Variants in MTARC1 observed in about 807,000 individuals in gnomAD.
The protein encoded by MTARC1 is mitochondrial amidoxime reducing component 1, also known as mitochondrial amidoxime-reducing component 1.
MTARC1 carries 24 observed loss-of-function variants against 33.6 expected under a neutral mutation model. The observed-to-expected ratio is 0.72, with a 90% confidence interval of 0.52 to 1.01. The LOEUF is 1.01. Among genes scored for constraint, MTARC1 ranks in the 50% least tolerant of loss-of-function variants. The probability of loss-of-function intolerance (pLI) is 0.00; values close to 1 mark genes in which losing one functional copy is unlikely to be tolerated. For missense variants in MTARC1, 417 were observed against 445.7 expected, an observed-to-expected ratio of 0.94 and a Z score of 0.58; for synonymous variants, 187 against 189.5, an observed-to-expected ratio of 0.99 and a Z score of 0.11.
At chr1:220,808,749 A>C (rs1316752235) in intron 6 of MTARC1, 3 of 455,522 alleles carry the variant, frequency 6.6e-6, no homozygotes, top group African/African-American at 6.0e-5. Context: ...AAAGAAATAC[A>C]GAGGCATAGG....
At chr1:220,806,965 C>T (rs750387912) in intron 6 of MTARC1, among the ~76,000 whole-genome samples, 3 of 152,202 alleles carry the variant, frequency 2.0e-5, no homozygotes, top group Non-Finnish European at 2.9e-5. Context: ...GCTCCAACAG[C>T]GTTGGGTGTG....
chr1:220,792,463 T>C (rs1349534354), intron 2 of MTARC1, among the ~76,000 whole-genome samples: 1 of 152,124 alleles, frequency 6.6e-6, no homozygotes, highest in Non-Finnish European at 1.5e-5. Flanking sequence ...CATAAAAAAA[T>C]AGCATCACCT....
chr1:220,818,082 A>G lies in MTARC1; in HGVS notation c.*4664A>G, dbSNP rs1434306184. The G allele has an allele frequency of 6.6e-6, 1 of 152,192 alleles. No individual in the cohort carries two copies. The highest frequency in any genetic ancestry group is 1.5e-5 in the Non-Finnish European group (1 of 68,030). The allele number at this position is 152,192 out of a possible 1,614,324, so 9.4% of individuals were successfully genotyped here. A position where few individuals can be genotyped will look rare whatever the true frequency, so the allele number is the denominator to read the frequency against. On this transcript the variant is annotated 3_prime_UTR_variant, in exon 7 of 7. Transcript: ENST00000366910. ...GGATGAATGAGTTATGATGATATCT[A>G]AAGTTACCCAATTTCAAGCAAGAGG...
chr1:220,810,536 G>A (rs1030987950), intron 6 of MTARC1, among the ~76,000 whole-genome samples: 1 of 149,944 alleles, frequency 6.7e-6, no homozygotes, highest in African/African-American at 2.5e-5. Flanking sequence ...CCTGTGAGCC[G>A]GTGACCACAC....
chr1:220,793,710 T>A (rs1672509517), intron 2 of MTARC1: 1 of 152,232 alleles, frequency 6.6e-6, no homozygotes, highest in Non-Finnish European at 1.5e-5. Flanking sequence ...ACTTTGGCTA[T>A]GGATTATTCA....
Position 220,813,638 on chromosome 1 carries a change from A to T in MTARC1, c.*220A>T. 1 of 514,200 alleles carries T rather than the reference A, an allele frequency of 1.9e-6. No homozygotes were observed. The highest frequency in any genetic ancestry group is 3.4e-6 in the Non-Finnish European group (1 of 291,898). 31.9% of individuals were successfully genotyped at this position (514,200 alleles called of 1,614,324 possible). A position where few individuals can be genotyped will look rare whatever the true frequency, so the allele number is the denominator to read the frequency against. ...TCAATAACTTAGTAGGACTTCAGTA[A>T]GTCACTTAAATGACAAGACAGGATT... On this transcript the variant is annotated 3_prime_UTR_variant, in exon 7 of 7. Transcript: ENST00000366910.
intron 4 of MTARC1, among the ~76,000 whole-genome samples, chr1:220,802,893 C>T (rs1672858754): frequency 6.6e-6 from 1 of 152,214 alleles, no homozygotes; most frequent in South Asian, 2.1e-4. Context: ...ATCTCTCCCG[C>T]TCTAAAAGTT....
At chr1:220,810,627 C>G (rs1673101734) in intron 6 of MTARC1, among the ~76,000 whole-genome samples, 1 of 149,784 alleles carries the variant, frequency 6.7e-6, no homozygotes, top group Non-Finnish European at 1.5e-5. Context: ...CCGCTCTTTA[C>G]GGTCCTCTGC....
intron 1 of MTARC1, among the ~76,000 whole-genome samples, chr1:220,789,753 T>C (rs1672365335): frequency 6.6e-6 from 1 of 152,262 alleles, no homozygotes; most frequent in African/African-American, 2.4e-5. Flanking sequence ...GAAGTTCTGA[T>C]ATGTGCTACA....
At chr1:220,790,445 A>C (rs535619870) in intron 1 of MTARC1, among the ~76,000 whole-genome samples, 1 of 152,246 alleles carries the variant, frequency 6.6e-6, no homozygotes, top group South Asian at 2.1e-4. Flanking sequence ...TGCCATTACC[A>C]GGAAGAATAT....
rs1673328734 is a variant in MTARC1 at position 220,818,782 on chromosome 1, CAGAG to C, written c.*5368_*5371del. On this transcript the variant is annotated 3_prime_UTR_variant, in exon 7 of 7. Transcript: ENST00000366910. ...AACATTTTTACACCTAACAAAGTCTCAGAGAGATTGAATTTACTGGGTTGAAGGG... is the reference window on the plus strand; with the variant it reads ...AACATTTTTACACCTAACAAAGTCTCAGATTGAATTTACTGGGTTGAAGGG... The C allele has an allele frequency of 6.6e-6, 1 of 152,190 alleles. No individual in the cohort carries two copies. Among genetic ancestry groups the C allele is most frequent in the Non-Finnish European group, 1.5e-5 (1 of 68,034 alleles). The allele number at this position is 152,190 out of a possible 1,614,324, so 9.4% of individuals were successfully genotyped here.
At chr1:220,788,681 C>G (rs150554152) in intron 1 of MTARC1, among the ~76,000 whole-genome samples, 2 of 151,480 alleles carry the variant, frequency 1.3e-5, no homozygotes, top group Non-Finnish European at 2.9e-5. Context: ...CCCAGCTACT[C>G]GGGAGACTGA....
chr1:220,799,630 A>G (rs899986209), intron 4 of MTARC1, among the ~76,000 whole-genome samples: 1 of 152,186 alleles, frequency 6.6e-6, no homozygotes, highest in African/African-American at 2.4e-5. Context: ...ACAGGAGAGA[A>G]GAGAGAGGCT....
At chr1:220,789,135 A>G (rs1297449591) in intron 1 of MTARC1, among the ~76,000 whole-genome samples, 2 of 152,156 alleles carry the variant, frequency 1.3e-5, no homozygotes, top group African/African-American at 4.8e-5. Flanking sequence ...AGCATAGAGG[A>G]TGCAGTGCTG....
intron 1 of MTARC1, among the ~76,000 whole-genome samples, chr1:220,788,857 A>G (rs1019111725): frequency 2.6e-5 from 4 of 151,990 alleles, no homozygotes; most frequent in African/African-American, 9.7e-5. Flanking sequence ...GAGTTTTTGT[A>G]GGCCCCAGAG....
intron 2 of MTARC1, among the ~76,000 whole-genome samples, chr1:220,796,304 A>G (rs1380229552): frequency 6.6e-6 from 1 of 152,178 alleles, no homozygotes; most frequent in Non-Finnish European, 1.5e-5. Flanking sequence ...TTCTAAGTTT[A>G]CTTTATACTG....
In MTARC1 at chr1:220,800,240, G is replaced by C. The variant is rs537130826; in HGVS notation, c.753+2226G>C. Among the ~76,000 whole-genome samples, 36 of 152,326 alleles carry C rather than the reference G, an allele frequency of 2.4e-4. 1 individual carries two copies. In the South Asian group the frequency reaches 7.5e-3, roughly 32 times the overall value. On this transcript the variant is annotated intron_variant, in intron 4 of 6. Transcript: ENST00000366910. ...AGTGTTCCCTAGTTGAGAACATTCT[G>C]TATGTGAAGCTGGGCGGTAACACAA...
At position 220,791,468 on chromosome 1, in the gene MTARC1, A is replaced by G. The variant is rs1291976107; in HGVS notation, c.276-23A>G. ...CTTCCTGCCATAATGGTTCACACAT[A>G]TCCTGTGTTTTGAAAACGGCAGGTT... On this transcript the variant is annotated intron_variant, in intron 1 of 6. Coordinates refer to ENST00000366910, the MANE Select transcript of MTARC1 (RefSeq NM_022746.4). 9.3e-6 allele frequency: 15 copies of G among 1,612,056 alleles called. 1 individual carries two copies. The South Asian group carries it at 9.9e-5, about 11-fold the overall frequency.
Position 220,817,164 on chromosome 1 carries a change from T to A in MTARC1, c.*3746T>A, listed in dbSNP as rs1673299032. ...GCCAGGCTGGAGTGCAGTGGTGAGATCTCAGCTCACTGCAGCCTCTGCCTC... is the reference window on the plus strand; with the variant it reads ...GCCAGGCTGGAGTGCAGTGGTGAGAACTCAGCTCACTGCAGCCTCTGCCTC... On this transcript the variant is annotated 3_prime_UTR_variant, in exon 7 of 7. Coordinates refer to ENST00000366910, the MANE Select transcript of MTARC1 (RefSeq NM_022746.4). 6.5e-6 allele frequency: 1 copy of A among 152,820 alleles called. No homozygotes were observed. Among genetic ancestry groups the A allele is most frequent in the Admixed American group, 6.6e-5 (1 of 15,232 alleles). The allele number at this position is 152,820 out of a possible 1,614,324, so 9.5% of individuals were successfully genotyped here.
Sources: gnomAD v4.1 joint callset for allele counts (sites outside exome capture counted in the v4.1 genomes callset) on GRCh38, gnomAD v4.1.1 for gene constraint, MANE v1.5 for transcripts, NCBI Gene and HGNC (gene_info 2026-07-23, HGNC 2026-07-21) for gene names.